The following TMEM231 variants were observed in gnomAD, a reference collection of about 807,000 sequenced individuals.
TMEM231 encodes transmembrane protein 231.
In TMEM231, 40 loss-of-function variants were observed where a neutral mutation model predicts 38.5. That is an observed-to-expected ratio of 1.04 (90% CI 0.81 to 1.35). The LOEUF is 1.35. TMEM231 is among the 40% of genes most tolerant of loss of function. TMEM231 has a pLI of 0.00. For missense variants in TMEM231, 420 were observed against 416.9 expected (o/e 1.01, Z -0.07); for synonymous variants, 199 against 181.7 (o/e 1.10, Z -0.77).
chr16:75,556,020 G>A (rs369232571), intron 1 of TMEM231, 47 bp from the exon 2 acceptor site: 1 of 1,572,616 alleles, frequency 6.4e-7, no homozygotes, highest in Non-Finnish European at 8.6e-7. Context: ...GGCCGGCCCT[G>A]GCCGAGCGCG....
rs1188728587 is a variant in TMEM231 at position 75,537,355 on chromosome 16, A to G, written c.*2639T>C. 1 of 152,024 alleles carries G rather than the reference A, an allele frequency of 6.6e-6. No individual in the cohort carries two copies. The highest frequency in any genetic ancestry group is 1.5e-5 in the Non-Finnish European group (1 of 67,992). The allele number at this position is 152,024 out of a possible 1,614,324, so 9.4% of individuals were successfully genotyped here. On this transcript the variant is annotated 3_prime_UTR_variant, in exon 7 of 7. Transcript: ENST00000258173. Reference sequence around the variant, plus strand: ...CATGATGGAATATTAGGGGGGCCTCATCTGACTTAAGCCGAAACTGTACTA... The same window carrying G: ...CATGATGGAATATTAGGGGGGCCTCGTCTGACTTAAGCCGAAACTGTACTA...
At chr16:75,550,189 T>A (rs1184969326) in intron 2 of TMEM231, among the ~76,000 whole-genome samples, 3 of 152,184 alleles carry the variant, frequency 2.0e-5, no homozygotes, top group Non-Finnish European at 2.9e-5. Flanking sequence ...GGAAGAGGCC[T>A]CGAAGAGCTG....
At chr16:75,556,036 G>A in intron 1 of TMEM231, 35 bp downstream of exon 1, 1 of 1,566,354 alleles carries the variant, frequency 6.4e-7, no homozygotes, top group Non-Finnish European at 8.7e-7. Flanking sequence ...GCGCGCCCGG[G>A]GAGCCTCGTG....
chr16:75,548,865 C>T (rs2080723464), intron 2 of TMEM231, among the ~76,000 whole-genome samples: 1 of 152,174 alleles, frequency 6.6e-6, no homozygotes, highest in Non-Finnish European at 1.5e-5. Context: ...AAGACTCTAT[C>T]TCAAACAAAC....
chr16:75,545,912 A>C lies in TMEM231; in HGVS notation c.352T>G (p.Leu118Val), dbSNP rs1597041976. Residue 118 changes from leucine (L) to valine (V), a missense_variant, in exon 3 of 7, where the codon TTA becomes GTA. By Grantham distance (32) the Leu-to-Val change is conservative (BLOSUM62 1). Coordinates refer to ENST00000258173, the MANE Select transcript of TMEM231 (RefSeq NM_001077418.3). ...DRNQDGKTDM[L>V]HFKLELPLQS... The stretch of plus-strand genomic sequence containing the variant: ...AGGGGAAGCTCCAGCTTAAAATGTA[A>C]CATGTCCGTCTTCCCATCCTGGTTC... 6.6e-7 allele frequency: 1 copy of C among 1,516,170 alleles called. No homozygotes were observed. The highest frequency in any genetic ancestry group is 1.7e-4 in the Middle Eastern group (1 of 5,852). The allele number at this position is 1,516,170 out of a possible 1,614,324, so 93.9% of individuals were successfully genotyped here. A position where few individuals can be genotyped will look rare whatever the true frequency, so the allele number is the denominator to read the frequency against.
chr16:75,548,157 T>G (rs138554951), intron 2 of TMEM231, among the ~76,000 whole-genome samples: 237 of 152,304 alleles, frequency 1.6e-3, no homozygotes, highest in African/African-American at 5.4e-3. Flanking sequence ...AAGACAGGAT[T>G]TGAGATCAGG....
chr16:75,540,414 G>C (rs537461383), intron 6 of TMEM231, among the ~76,000 whole-genome samples: 31 of 152,334 alleles, frequency 2.0e-4, no homozygotes, highest in Non-Finnish European at 4.4e-5. Flanking sequence ...AAACTAGATT[G>C]ATCATGGACT....
Position 75,545,436 on chromosome 16 carries a change from C to A in TMEM231, c.498G>T (p.Pro166=). Residue 166 remains proline, a synonymous_variant, in exon 4 of 7, where the codon CCG becomes CCT. Coordinates refer to ENST00000258173, the MANE Select transcript of TMEM231 (RefSeq NM_001077418.3). ...MAFLQSSFPV[P]GSQLYVNGDL... ...CTCCGTTCACGTATAACTGGGATCC[C>A]GGGACAGGAAAGGAGGACTGGAGAA... The A allele has an allele frequency of 6.2e-7, 1 of 1,605,632 alleles. No homozygotes were observed. The highest frequency in any genetic ancestry group is 1.1e-5 in the South Asian group (1 of 90,472).
chr16:75,549,123 A>G (rs1260585451), intron 2 of TMEM231, among the ~76,000 whole-genome samples: 6 of 152,162 alleles, frequency 3.9e-5, no homozygotes, highest in Non-Finnish European at 8.8e-5. Context: ...GTCTCCCACA[A>G]ATGACCTGTC....
At position 75,538,291 on chromosome 16, in the gene TMEM231, C is replaced by T. The variant is rs975213356; in HGVS notation, c.*1703G>A. On this transcript the variant is annotated 3_prime_UTR_variant, in exon 7 of 7. Transcript: ENST00000258173. Reference sequence around the variant, plus strand: ...AAGTGTTGAGATTACAGGAATGAACCACCATGCTCGGCCTCATTTTGAACA... The same window carrying T: ...AAGTGTTGAGATTACAGGAATGAACTACCATGCTCGGCCTCATTTTGAACA... The T allele has an allele frequency of 1.3e-5, 2 of 152,178 alleles. No homozygotes were observed. Among genetic ancestry groups the T allele is most frequent in the Non-Finnish European group, 2.9e-5 (2 of 68,038 alleles). 9.4% of individuals were successfully genotyped at this position (152,178 alleles called of 1,614,324 possible).
chr16:75,549,827 G>C (rs1163123327), intron 2 of TMEM231, among the ~76,000 whole-genome samples: 2 of 152,144 alleles, frequency 1.3e-5, no homozygotes, highest in Admixed American at 1.3e-4. Flanking sequence ...TCCTGCCTCA[G>C]CTTCCTGACT....
At chr16:75,548,107 G>A (rs569463773) in intron 2 of TMEM231, among the ~76,000 whole-genome samples, 2 of 152,324 alleles carry the variant, frequency 1.3e-5, no homozygotes, top group East Asian at 1.9e-4. Context: ...AAGGATGAGT[G>A]AGATTAGGGC....
chr16:75,542,816 T>A lies in TMEM231; in HGVS notation c.583-133A>T, dbSNP rs1039457393. 67 of 672,766 alleles carry A rather than the reference T, an allele frequency of 1.0e-4. No individual in the cohort carries two copies. The East Asian group carries it at 1.8e-3, about 18-fold the overall frequency. The allele number at this position is 672,766 out of a possible 1,614,324, so 41.7% of individuals were successfully genotyped here. On this transcript the variant is annotated intron_variant, in intron 4 of 6. Coordinates refer to ENST00000258173, the MANE Select transcript of TMEM231 (RefSeq NM_001077418.3). ...TGGTGGCCTACTGCAGTATCAATAA[T>A]CTTTTCTTCAAAGATGAATAAAACA...
Position 75,556,160 on chromosome 16 carries a change from G to T in TMEM231, c.50C>A (p.Ala17Glu). ...CAGCGCGGCTTTGGAGCAGAGCCCC[G>T]CGCGGTAACTGCGCTCGACCGGGTG... is the stretch of plus-strand genomic sequence containing the variant. ...FSHPVERSYR[A>E]GLCSKAALFL... is the part of the protein sequence containing the mutation. Residue 17 changes from alanine to glutamate, a missense_variant, in exon 1 of 7, where the codon GCG (alanine) becomes GAG (glutamate). Transcript: ENST00000258173. The T allele has an allele frequency of 6.4e-7, 1 of 1,553,816 alleles. No individual in the cohort carries two copies.
rs751199520 is a variant in TMEM231 at position 75,540,171 on chromosome 16, A to G, written c.774T>C (p.Tyr258=). 1.9e-6 allele frequency: 3 copies of G among 1,612,324 alleles called. No individual in the cohort carries two copies. In the South Asian group the frequency reaches 3.3e-5, roughly 18 times the overall value. ...TTACCATCTCCCAGAATCCTGGCTG[A>G]TAAGTATGGACAGTTAAGGAGTGAA... The part of the protein sequence containing the change: ...IIRYPVEVIS[Y]QPGFWEMVKF... Residue 258 remains tyrosine (Y), a synonymous_variant, in exon 7 of 7, where the codon TAT becomes TAC. Coordinates refer to ENST00000258173, the MANE Select transcript of TMEM231 (RefSeq NM_001077418.3).
chr16:75,546,210 T>C, intron 2 of TMEM231: 2 of 1,034,076 alleles, frequency 1.9e-6, no homozygotes, highest in East Asian at 3.5e-5. Flanking sequence ...ACAAAAAACA[T>C]CTGGATAGTA....
intron 4 of TMEM231, among the ~76,000 whole-genome samples, chr16:75,544,995 G>T (rs1295018019): frequency 9.2e-6 from 1 of 108,982 alleles, no homozygotes; most frequent in Non-Finnish European, 1.7e-5. Flanking sequence ...TTGCTCTGTT[G>T]CCCAGGCTGG....
chr16:75,544,031 C>G (rs1237181853), intron 4 of TMEM231, among the ~76,000 whole-genome samples: 2 of 152,246 alleles, frequency 1.3e-5, no homozygotes, highest in African/African-American at 4.8e-5. Flanking sequence ...TGCACACAGA[C>G]AGGCTCTGTT....
intron 2 of TMEM231, among the ~76,000 whole-genome samples, chr16:75,547,989 C>T (rs749471561): frequency 2.6e-5 from 4 of 152,048 alleles, no homozygotes; most frequent in Admixed American, 2.0e-4. Flanking sequence ...ATCCAGACTC[C>T]AACACACTGT....
Sources: allele counts gnomAD v4.1 joint callset (sites outside exome capture counted in the v4.1 genomes callset), GRCh38; gene constraint gnomAD v4.1.1; transcripts MANE v1.5; gene names NCBI Gene and HGNC (gene_info 2026-07-23, HGNC 2026-07-21).